RANBP3L: variants seen among roughly 807,000 people sequenced by gnomAD.
RANBP3L encodes ran-binding protein 3-like.
RANBP3L carries 56 observed loss-of-function variants against 67.2 expected under a neutral mutation model. The observed-to-expected ratio is 0.83, with a 90% confidence interval of 0.67 to 1.04. The LOEUF (loss-of-function observed/expected upper bound fraction) is 1.04, where lower values mean the gene tolerates loss of function less well. RANBP3L is among the 50% of genes least tolerant of loss of function. The pLI, the probability that RANBP3L is intolerant of heterozygous loss-of-function variation, is 0.00. For missense variants in RANBP3L, 496 were observed against 535.5 expected (o/e 0.93, Z 0.73); for synonymous variants, 164 against 181.4 (o/e 0.90, Z 0.77).
At chr5:36,271,384 G>C in intron 1 of RANBP3L, 73 bp from the exon 2 acceptor site, 1 of 986,194 alleles carries the variant, frequency 1.0e-6, no homozygotes, top group Non-Finnish European at 1.5e-6. Flanking sequence ...AAAAATATTT[G>C]AAGACTTTTT....
At chr5:36,296,825 C>G (rs773854294) in intron 1 of RANBP3L, among the ~76,000 whole-genome samples, 7 of 152,124 alleles carry the variant, frequency 4.6e-5, no homozygotes, top group Non-Finnish European at 1.0e-4. Flanking sequence ...TGAGTCTCAT[C>G]TAATCAGTCA....
At chr5:36,265,742 G>A (rs977705891) in intron 4 of RANBP3L, among the ~76,000 whole-genome samples, 5 of 152,134 alleles carry the variant, frequency 3.3e-5, no homozygotes, top group African/African-American at 1.2e-4. Flanking sequence ...GGAGGCCAAG[G>A]CGGGTGGATC....
intron 7 of RANBP3L, 46 bp downstream of exon 7, chr5:36,261,893 A>G: frequency 1.1e-6 from 1 of 879,558 alleles, no homozygotes; most frequent in Non-Finnish European, 1.8e-6. Context: ...ATAATGAAAG[A>G]ATGCAAGAAT....
intron 1 of RANBP3L, among the ~76,000 whole-genome samples, chr5:36,272,985 T>C (rs74293506): frequency 6.6e-6 from 1 of 152,134 alleles, no homozygotes; most frequent in Non-Finnish European, 1.5e-5. Flanking sequence ...CTGTCTTCCC[T>C]TGGAGCCAAG....
chr5:36,289,688 T>A (rs1035021744), intron 1 of RANBP3L, among the ~76,000 whole-genome samples: 1 of 152,148 alleles, frequency 6.6e-6, no homozygotes, highest in Admixed American at 6.5e-5. Context: ...TGTTGTCAGC[T>A]AATATATAGA....
intron 4 of RANBP3L, among the ~76,000 whole-genome samples, chr5:36,268,997 A>G (rs1465688207): frequency 6.6e-6 from 1 of 152,168 alleles, no homozygotes; most frequent in East Asian, 1.9e-4. Flanking sequence ...GGTATGAGCC[A>G]CCGCGCCCAG....
At chr5:36,277,381 C>T (rs1750645737) in intron 1 of RANBP3L, among the ~76,000 whole-genome samples, 2 of 149,188 alleles carry the variant, frequency 1.3e-5, no homozygotes, top group East Asian at 2.0e-4. Flanking sequence ...ATAAAGGACT[C>T]GAGCCTCAGC....
chr5:36,255,210 ATATAAG>A (rs948760674), intron 11 of RANBP3L, among the ~76,000 whole-genome samples: 5 of 152,106 alleles, frequency 3.3e-5, no homozygotes, highest in African/African-American at 1.2e-4. Context: ...TTTTAAATTG[ATATAAG>A]TAGAGTAGAG....
chr5:36,268,116 A>G (rs6869599), intron 4 of RANBP3L: 902,104 of 966,628 alleles, frequency 0.93, 425,661 homozygotes, highest in Non-Finnish European at 0.97. Flanking sequence ...TGATCGCTAA[A>G]AAAGAAAAGT....
intron 1 of RANBP3L, among the ~76,000 whole-genome samples, chr5:36,277,977 G>A (rs1401109167): frequency 6.6e-6 from 1 of 152,080 alleles, no homozygotes; most frequent in Non-Finnish European, 1.5e-5. Context: ...CAGATCTCGT[G>A]AGACTTATTC....
intron 11 of RANBP3L, among the ~76,000 whole-genome samples, chr5:36,254,109 C>A (rs745781197): frequency 2.6e-5 from 4 of 151,944 alleles, no homozygotes; most frequent in Non-Finnish European, 5.9e-5. Flanking sequence ...AAAACAAAAA[C>A]CTTAAGTGTC....
chr5:36,271,878 C>A (rs189817378), intron 1 of RANBP3L, among the ~76,000 whole-genome samples: 2 of 152,146 alleles, frequency 1.3e-5, no homozygotes, highest in African/African-American at 4.8e-5. Flanking sequence ...ACCTTGCCAG[C>A]CTTATTAATA....
At chr5:36,294,237 C>A (rs1039075309) in intron 1 of RANBP3L, among the ~76,000 whole-genome samples, 1 of 151,946 alleles carries the variant, frequency 6.6e-6, no homozygotes, top group African/African-American at 2.4e-5. Flanking sequence ...TCTGTGGGAT[C>A]GGTGGTGATA....
chr5:36,288,738 T>C (rs1023080578), intron 1 of RANBP3L, among the ~76,000 whole-genome samples: 4 of 152,202 alleles, frequency 2.6e-5, no homozygotes, highest in Non-Finnish European at 4.4e-5. Flanking sequence ...TGAACATCTT[T>C]TGATGTGCTT....
intron 6 of RANBP3L, among the ~76,000 whole-genome samples, chr5:36,262,626 G>A (rs1290327945): frequency 6.6e-6 from 1 of 152,044 alleles, no homozygotes; most frequent in Non-Finnish European, 1.5e-5. Flanking sequence ...TACATTATCT[G>A]ATCTAGTATT....
At position 36,257,499 on chromosome 5, in the gene RANBP3L, GT is replaced by G; in HGVS notation, c.726del (p.Lys242AsnfsTer14). 1 of 1,599,574 alleles carries G rather than the reference GT, an allele frequency of 6.3e-7. No individual in the cohort carries two copies. The highest frequency in any genetic ancestry group is 8.5e-7 in the Non-Finnish European group (1 of 1,170,710). ...QLENDSYAKE[K>X]PFKSIPKFPV... ...GGAAATTTCGGAATGGATTTGAATG[GT>G]TTTTCCTTGGCATATGAATCATTTT... On this transcript the variant is annotated frameshift_variant, in exon 9 of 14. Transcript: ENST00000296604. LOFTEE classifies it high-confidence loss of function.
intron 1 of RANBP3L, among the ~76,000 whole-genome samples, chr5:36,299,230 G>A (rs947188591): frequency 1.3e-5 from 2 of 151,986 alleles, no homozygotes; most frequent in Non-Finnish European, 2.9e-5. Context: ...AGCCTATTGT[G>A]GGACCTTGTG....
intron 3 of RANBP3L, 86 bp downstream of exon 3, chr5:36,269,865 A>G (rs758221288): frequency 2.1e-5 from 23 of 1,072,052 alleles, no homozygotes; most frequent in Non-Finnish European, 3.0e-5. Flanking sequence ...ACTTTCACAT[A>G]GTCTGTGCCA....
chr5:36,301,367 T>C lies in RANBP3L; in HGVS notation c.50A>G (p.His17Arg). ...KGSSHLPGSL[H>R]TCKLKLQEDR... ...CTCCTGCAGCTTCAGTTTACAGGTG[T>C]GCAAACTGCCAGGCAGGTGGCTGCT... is the stretch of plus-strand genomic sequence containing the variant. The change falls in exon 1 of 14, where the codon CAC (histidine) becomes CGC (arginine). Residue 17 changes from histidine to arginine, a missense_variant. His to Arg is a conservative substitution (Grantham distance 29, BLOSUM62 0). Transcript: ENST00000296604. The C allele has an allele frequency of 1.2e-6, 2 of 1,613,868 alleles. No individual in the cohort carries two copies. The highest frequency in any genetic ancestry group is 2.2e-5 in the South Asian group (2 of 91,070).
Sources: gnomAD v4.1 joint callset for allele counts (sites outside exome capture counted in the v4.1 genomes callset) on GRCh38, gnomAD v4.1.1 for gene constraint, MANE v1.5 for transcripts, NCBI Gene and HGNC (gene_info 2026-07-23, HGNC 2026-07-21) for gene names.